Variants in ZNF566 observed in about 807,000 individuals in gnomAD.
ZNF566 encodes zinc finger protein 566.
ZNF566 carries 27 observed loss-of-function variants against 32.8 expected under a neutral mutation model. The ratio of observed to expected loss-of-function variants is 0.82; its 90% confidence interval spans 0.61 to 1.14. ZNF566 has a LOEUF of 1.14. ZNF566 is among the 50% of genes most tolerant of loss of function. The probability of loss-of-function intolerance (pLI) is 0.00; values close to 1 mark genes in which losing one functional copy is unlikely to be tolerated. For synonymous variants in ZNF566, 154 were observed against 159.5 expected (o/e 0.97, Z 0.26); for missense variants, 402 against 490.4 (o/e 0.82, Z 1.70).
chr19:36,476,730 G>T (rs910765958), intron 1 of ZNF566, 114 bp from the exon 2 acceptor site: 2 of 790,520 alleles, frequency 2.5e-6, no homozygotes, highest in Non-Finnish European at 3.9e-6. Flanking sequence ...TATCAGTGAG[G>T]AGAATGGGCA....
At chr19:36,483,881 C>A (rs1377320630) in intron 1 of ZNF566, among the ~76,000 whole-genome samples, 1 of 152,122 alleles carries the variant, frequency 6.6e-6, no homozygotes, top group East Asian at 1.9e-4. Context: ...AACAGCTCAA[C>A]TGGTTACAAG....
chr19:36,464,207 G>C (rs2033554973), intron 4 of ZNF566, among the ~76,000 whole-genome samples: 1 of 151,936 alleles, frequency 6.6e-6, no homozygotes, highest in Non-Finnish European at 1.5e-5. Flanking sequence ...ATTAAGGCAG[G>C]GATAAAAAGG....
intron 4 of ZNF566, among the ~76,000 whole-genome samples, chr19:36,467,554 T>G (rs1026816340): frequency 4.0e-5 from 6 of 150,854 alleles, no homozygotes; most frequent in African/African-American, 1.5e-4. Context: ...CCCAGCACTT[T>G]GGGAGGCGGG....
intron 4 of ZNF566, among the ~76,000 whole-genome samples, chr19:36,459,377 G>C (rs988237104): frequency 1.3e-5 from 2 of 152,096 alleles, no homozygotes; most frequent in African/African-American, 4.8e-5. Context: ...ACCATGCCTG[G>C]CTAATTTTTG....
chr19:36,481,550 A>T (rs985682088), intron 1 of ZNF566, among the ~76,000 whole-genome samples: 1 of 152,056 alleles, frequency 6.6e-6, no homozygotes, highest in African/African-American at 2.4e-5. Context: ...AAACTAAAAA[A>T]CATGACAACA....
At chr19:36,454,212 T>C (rs2033242363) in intron 4 of ZNF566, among the ~76,000 whole-genome samples, 2 of 152,094 alleles carry the variant, frequency 1.3e-5, no homozygotes, top group African/African-American at 4.8e-5. Context: ...AGTTAAGTTA[T>C]TATTAACTTA....
intron 4 of ZNF566, among the ~76,000 whole-genome samples, chr19:36,466,276 A>G (rs2033610660): frequency 6.6e-6 from 1 of 152,204 alleles, no homozygotes; most frequent in Admixed American, 6.5e-5. Flanking sequence ...AAAAAAGACA[A>G]CAATGTACAG....
intron 1 of ZNF566, among the ~76,000 whole-genome samples, chr19:36,477,918 G>A (rs2033937543): frequency 6.6e-6 from 1 of 152,118 alleles, no homozygotes; most frequent in Non-Finnish European, 1.5e-5. Flanking sequence ...TTAAGGGGAA[G>A]AACTGAATTA....
intron 4 of ZNF566, among the ~76,000 whole-genome samples, chr19:36,460,119 A>G (rs1323779658): frequency 6.6e-6 from 1 of 152,062 alleles, no homozygotes; most frequent in Non-Finnish European, 1.5e-5. Flanking sequence ...CATAGGATTT[A>G]AAGAAAGACC....
intron 4 of ZNF566, among the ~76,000 whole-genome samples, chr19:36,462,990 A>AAAAAAC (rs2033514622): frequency 7.3e-6 from 1 of 137,036 alleles, no homozygotes; most frequent in Non-Finnish European, 1.6e-5. Flanking sequence ...AAAAAAAAAA[A>AAAAAAC]TCCCATTTCC....
chr19:36,451,198 G>A (rs2033148397), intron 4 of ZNF566, among the ~76,000 whole-genome samples: 1 of 152,116 alleles, frequency 6.6e-6, no homozygotes, highest in Non-Finnish European at 1.5e-5. Context: ...GCCCTGGTCT[G>A]GATTCTGTAA....
chr19:36,457,877 G>A (rs35408779), intron 4 of ZNF566, among the ~76,000 whole-genome samples: 32,008 of 150,814 alleles, frequency 0.21, 3,567 homozygotes, highest in South Asian at 0.37. Flanking sequence ...GGCAACAAGA[G>A]TGAGACTCCG....
At chr19:36,468,584 C>T (rs945682441) in intron 4 of ZNF566, among the ~76,000 whole-genome samples, 4 of 151,594 alleles carry the variant, frequency 2.6e-5, no homozygotes, top group South Asian at 2.1e-4. Flanking sequence ...CCAGCCTGGG[C>T]GACAGGACTA....
chr19:36,483,174 G>C (rs2052729), intron 1 of ZNF566, among the ~76,000 whole-genome samples: 4,274 of 152,270 alleles, frequency 0.028, 186 homozygotes, highest in African/African-American at 0.097. Flanking sequence ...ATCTCAGATA[G>C]TTCATAGTTC....
At chr19:36,460,139 A>G (rs1375817456) in intron 4 of ZNF566, among the ~76,000 whole-genome samples, 1 of 152,116 alleles carries the variant, frequency 6.6e-6, no homozygotes, top group Admixed American at 6.6e-5. Flanking sequence ...CTAGGGTCTC[A>G]TAGAATAATA....
At chr19:36,466,726 C>T (rs940065565) in intron 4 of ZNF566, among the ~76,000 whole-genome samples, 2 of 152,136 alleles carry the variant, frequency 1.3e-5, no homozygotes, top group African/African-American at 4.8e-5. Flanking sequence ...GTTTGTAGAA[C>T]ATGCAAAGTC....
At chr19:36,486,880 G>A (rs1346053150) in intron 1 of ZNF566, among the ~76,000 whole-genome samples, 2 of 151,366 alleles carry the variant, frequency 1.3e-5, no homozygotes, top group Non-Finnish European at 2.9e-5. Flanking sequence ...AGGATTTTGG[G>A]AGGCTGAGGC....
chr19:36,463,692 G>A lies in ZNF566; in HGVS notation c.232+9219C>T, dbSNP rs553598969. Among the ~76,000 whole-genome samples, 271 of 150,764 alleles carry A rather than the reference G, an allele frequency of 1.8e-3. 2 individuals are homozygous for A. Among genetic ancestry groups the A allele is most frequent in the African/African-American group, 5.9e-3 (243 of 41,138 alleles). ...CAAGTAGCTGGGACAACAGGTGTGC[G>A]CCACCACACCTGGCTAATTTTTGTG... On this transcript the variant is annotated intron_variant, in intron 4 of 4. Coordinates refer to ENST00000452939, the MANE Select transcript of ZNF566 (RefSeq NM_001145344.1).
At chr19:36,460,984 G>A (rs1449002111) in intron 4 of ZNF566, among the ~76,000 whole-genome samples, 2 of 152,170 alleles carry the variant, frequency 1.3e-5, no homozygotes, top group Non-Finnish European at 2.9e-5. Context: ...ATGAAGGTGA[G>A]ATTAAGAAAA....
Sources: gnomAD v4.1 joint callset for allele counts (sites outside exome capture counted in the v4.1 genomes callset) on GRCh38, gnomAD v4.1.1 for gene constraint, MANE v1.5 for transcripts, NCBI Gene and HGNC (gene_info 2026-07-23, HGNC 2026-07-21) for gene names.